ARHGEF25: variants seen among roughly 807,000 people sequenced by gnomAD.
ARHGEF25 encodes Rho guanine nucleotide exchange factor 25.
Under a neutral mutation model 74.0 loss-of-function variants are expected in ARHGEF25, and 42 were observed. That is an observed-to-expected ratio of 0.57 (90% CI 0.44 to 0.73). The LOEUF (loss-of-function observed/expected upper bound fraction) is 0.73, where lower values mean the gene tolerates loss of function less well. ARHGEF25 is among the 30% of genes least tolerant of loss of function. The probability of loss-of-function intolerance (pLI) is 0.00; values close to 1 mark genes in which losing one functional copy is unlikely to be tolerated. For missense variants in ARHGEF25, 645 were observed against 725.5 expected (o/e 0.89, Z 1.27); for synonymous variants, 293 against 278.6 (o/e 1.05, Z -0.51).
chr12:57,611,671 C>T lies in ARHGEF25; in HGVS notation c.-224C>T, dbSNP rs1486047795. 8.9e-7 allele frequency: 1 copy of T among 1,121,552 alleles called. No individual in the cohort carries two copies. 69.5% of individuals were successfully genotyped at this position (1,121,552 alleles called of 1,614,324 possible). Reference sequence around the variant, plus strand: ...AACCCTCCCCGCCCAGCCCGGCGGCCGGGCCCCGCGCCTCTCTCTCTCTAG... The same window carrying T: ...AACCCTCCCCGCCCAGCCCGGCGGCTGGGCCCCGCGCCTCTCTCTCTCTAG... On this transcript the variant is annotated 5_prime_UTR_variant, in exon 1 of 15. Coordinates refer to ENST00000286494, the MANE Select transcript of ARHGEF25 (RefSeq NM_182947.4). This position sits in a 1 kb window ranked among gnomAD's most constrained non-coding sequence, Gnocchi z 4.5.
rs987342721 is a variant in ARHGEF25, at chr12:57,614,253, G to A, written c.657-78G>A. 3 of 1,585,816 alleles carry A rather than the reference G, an allele frequency of 1.9e-6. No individual in the cohort carries two copies. The highest frequency in any genetic ancestry group is 2.6e-6 in the Non-Finnish European group (3 of 1,154,792). ...GTAGGGCACACTACCAGGGCAGACA[G>A]CTCGAAACTGCTGGGAGTGGGCGAG... On this transcript the variant is annotated intron_variant, in intron 6 of 14. Coordinates refer to ENST00000286494, the MANE Select transcript of ARHGEF25 (RefSeq NM_182947.4). The surrounding 1 kb of genome is among the most constrained non-coding windows in gnomAD (Gnocchi z 4.6).
At position 57,611,763 on chromosome 12, in the gene ARHGEF25, T is replaced by A; in HGVS notation, c.-132T>A. 3.6e-6 allele frequency: 4 copies of A among 1,107,108 alleles called. No individual in the cohort carries two copies. Among genetic ancestry groups the A allele is most frequent in the Admixed American group, 4.5e-5 (1 of 22,000 alleles). 68.6% of individuals were successfully genotyped at this position (1,107,108 alleles called of 1,614,324 possible). On this transcript the variant is annotated 5_prime_UTR_variant, in exon 1 of 15. Coordinates refer to ENST00000286494, the MANE Select transcript of ARHGEF25 (RefSeq NM_182947.4). This position sits in a 1 kb window ranked among gnomAD's most constrained non-coding sequence, Gnocchi z 4.5. The stretch of plus-strand genomic sequence containing the variant: ...GGACACCTCCTCCCGGTCCCCTCCC[T>A]CCCCCCCTCCCACAGCCTGGACCGG...
Position 57,614,279 on chromosome 12 carries a change from G to T in ARHGEF25, c.657-52G>T. On this transcript the variant is annotated intron_variant, in intron 6 of 14. Transcript: ENST00000286494. This position sits in a 1 kb window ranked among gnomAD's most constrained non-coding sequence, Gnocchi z 4.6. ...CTCGAAACTGCTGGGAGTGGGCGAG[G>T]TGGGGGTTGTGAAATGTATTTGACC... 1 of 1,606,192 alleles carries T rather than the reference G, an allele frequency of 6.2e-7. No homozygotes were observed. The highest frequency in any genetic ancestry group is 8.5e-7 in the Non-Finnish European group (1 of 1,172,898).
At position 57,611,483 on chromosome 12, in the gene ARHGEF25, G is replaced by A. The variant is rs1041349071; in HGVS notation, c.-412G>A. On this transcript the variant is annotated 5_prime_UTR_variant, in exon 1 of 15. Coordinates refer to ENST00000286494, the MANE Select transcript of ARHGEF25 (RefSeq NM_182947.4). The surrounding 1 kb of genome is among the most constrained non-coding windows in gnomAD (Gnocchi z 4.5). ...ACCCGCACAGCGCCAGTGGCTCGGG[G>A]GTCGGCCCTCGCCTCCTCCCCGGCC... 19 of 985,702 alleles carry A rather than the reference G, an allele frequency of 1.9e-5. No homozygotes were observed. The highest frequency in any genetic ancestry group is 2.3e-5 in the Non-Finnish European group (19 of 830,258). 61.1% of individuals were successfully genotyped at this position (985,702 alleles called of 1,614,324 possible).
At position 57,614,962 on chromosome 12, in the gene ARHGEF25, C is replaced by T. The variant is rs1388138986; in HGVS notation, c.910-5C>T. ...CTCCCTGAGCATTTCTTCTCTCTGT[C>T]TTAGGATTTTCTCAAGTATTACAAT... On this transcript the variant is annotated splice_region_variant and splice_polypyrimidine_tract_variant and intron_variant, in intron 9 of 14. Coordinates refer to ENST00000286494, the MANE Select transcript of ARHGEF25 (RefSeq NM_182947.4). The surrounding 1 kb of genome is among the most constrained non-coding windows in gnomAD (Gnocchi z 4.6). The T allele has an allele frequency of 6.2e-7, 1 of 1,613,910 alleles. No homozygotes were observed. Among genetic ancestry groups the T allele is most frequent in the African/African-American group, 1.3e-5 (1 of 74,906 alleles).
In ARHGEF25 at chr12:57,615,292, T is replaced by TG; in HGVS notation, c.1020dup (p.Arg341GlufsTer6). On this transcript the variant is annotated frameshift_variant, in exon 11 of 15. Transcript: ENST00000286494. LOFTEE classifies it high-confidence loss of function. ...AAGCGCTGCAACGATATGATGACGC[T>TG]GGGGAGATTGCGGGGATTTGAGGTA... 1 of 1,609,284 alleles carries TG rather than the reference T, an allele frequency of 6.2e-7. No homozygotes were observed. Among genetic ancestry groups the TG allele is most frequent in the Non-Finnish European group, 8.5e-7 (1 of 1,177,844 alleles).
chr12:57,613,658 C>G (rs777409801), intron 4 of ARHGEF25, 36 bp from the exon 5 acceptor site: 4 of 1,612,764 alleles, frequency 2.5e-6, no homozygotes, highest in African/African-American at 2.7e-5. Flanking sequence ...TGAGCTCCGA[C>G]GCTGAAGTGG....
Position 57,614,786 on chromosome 12 carries a change from G to T in ARHGEF25, c.909+5G>T. The T allele has an allele frequency of 6.2e-7, 1 of 1,605,376 alleles. No homozygotes were observed. On this transcript the variant is annotated splice_donor_5th_base_variant and intron_variant, in intron 9 of 14. Coordinates refer to ENST00000286494, the MANE Select transcript of ARHGEF25 (RefSeq NM_182947.4). This position sits in a 1 kb window ranked among gnomAD's most constrained non-coding sequence, Gnocchi z 4.6. ...AAATACCAGCTGCTGCTCAAGGTCA[G>T]GACCCCCTTTTTCCTGGGGGCACAG...
At position 57,615,203 on chromosome 12, in the gene ARHGEF25, G is replaced by A. The variant is rs368669698; in HGVS notation, c.961-34G>A. On this transcript the variant is annotated intron_variant, in intron 10 of 14. Coordinates refer to ENST00000286494, the MANE Select transcript of ARHGEF25 (RefSeq NM_182947.4). ...CTCTTTCCCAATAATGACTCTCTTC[G>A]CCCAACAATGCGCCTCCCTCACCTG... 199 of 1,574,240 alleles carry A rather than the reference G, an allele frequency of 1.3e-4. 2 individuals are homozygous for A. In the African/African-American group the frequency reaches 1.6e-3, roughly 13 times the overall value.
At chr12:57,616,545 C>T (rs1036069943) in intron 14 of ARHGEF25, 50 bp downstream of exon 14, 2 of 1,560,764 alleles carry the variant, frequency 1.3e-6, no homozygotes, top group East Asian at 2.2e-5. Context: ...GGGAGAGCCT[C>T]TCTTGTTCTG....
chr12:57,613,151 AGGGAACGGCACCAAAGCATGT>A lies in ARHGEF25; in HGVS notation c.312+12_312+32del. The A allele has an allele frequency of 6.2e-7, 1 of 1,611,616 alleles. No homozygotes were observed. Among genetic ancestry groups the A allele is most frequent in the Non-Finnish European group, 8.5e-7 (1 of 1,178,128 alleles). On this transcript the variant is annotated splice_region_variant and intron_variant, in intron 2 of 14. Transcript: ENST00000286494. ...TCAGGCAGGACCATATGAGGTGAGC[AGGGAACGGCACCAAAGCATGT>A]GGGACATCTATGAAGGACACTGGCA...
At position 57,612,687 on chromosome 12, in the gene ARHGEF25, A is replaced by G. The variant is rs543836346; in HGVS notation, c.98-243A>G. On this transcript the variant is annotated intron_variant, in intron 1 of 14. Transcript: ENST00000286494. ...CTATGCTATGCTCAGGATATGGGGA[A>G]CCTCCACATGTAACTGGGGGTTCCA... 39 of 1,381,162 alleles carry G rather than the reference A, an allele frequency of 2.8e-5. No homozygotes were observed. The African/African-American group carries it at 5.5e-4, about 19-fold the overall frequency. 85.6% of individuals were successfully genotyped at this position (1,381,162 alleles called of 1,614,324 possible).
Position 57,616,506 on chromosome 12 carries a change from T to C in ARHGEF25, c.1632+11T>C. 1 of 1,611,710 alleles carries C rather than the reference T, an allele frequency of 6.2e-7. No homozygotes were observed. The highest frequency in any genetic ancestry group is 8.5e-7 in the Non-Finnish European group (1 of 1,178,772). On this transcript the variant is annotated intron_variant, in intron 14 of 14. Transcript: ENST00000286494. ...CCACTGGATAAACAGGTATGACGAA[T>C]AGAGCTCCCTCATTGTAGGGATAAA...
At chr12:57,615,786 G>A in intron 12 of ARHGEF25, 51 bp from the exon 13 acceptor site, 5 of 1,612,190 alleles carry the variant, frequency 3.1e-6, no homozygotes, top group Non-Finnish European at 4.2e-6. Context: ...TCTCAGAGGA[G>A]CCAGGGAGGG....
Position 57,614,400 on chromosome 12 carries a change from C to G in ARHGEF25, c.726C>G (p.His242Gln). ...PDWLAQLFIKHERRLHMYVVY... is the reference protein window; with the variant it reads ...PDWLAQLFIKQERRLHMYVVY... ...GGCTGGCTCAGCTATTCATCAAACA[C>G]GTGAGGCTTGAGGGGGCAGGGCCTG... is the stretch of plus-strand genomic sequence containing the variant. Residue 242 changes from histidine to glutamine, a missense_variant and splice_region_variant, in exon 7 of 15, where the codon CAC (histidine) becomes CAG (glutamine). This residue lies in a region of ARHGEF25 where 194 missense variants were observed against 269.4 expected (regional missense o/e 0.72). Coordinates refer to ENST00000286494, the MANE Select transcript of ARHGEF25 (RefSeq NM_182947.4). The surrounding 1 kb of genome is among the most constrained non-coding windows in gnomAD (Gnocchi z 4.6). The G allele has an allele frequency of 1.2e-6, 2 of 1,614,084 alleles. No homozygotes were observed. Among genetic ancestry groups the G allele is most frequent in the African/African-American group, 1.3e-5 (1 of 75,016 alleles).
chr12:57,611,397 AGGCCCCGCCTCGTGGCGGCCCCGC>A (rs1266730039), upstream of ARHGEF25: 4 of 977,000 alleles, frequency 4.1e-6, no homozygotes, highest in Admixed American at 6.2e-5. This position sits in a 1 kb window ranked among gnomAD's most constrained non-coding sequence, Gnocchi z 4.5. Context: ...TGGGCCGCAG[AGGCCCCGCCTCGTGGCGGCCCCGC>A]GGCCAGGCCT....
intron 1 of ARHGEF25, 171 bp downstream of exon 1, chr12:57,612,162 T>C: frequency 4.6e-6 from 2 of 432,788 alleles, no homozygotes; most frequent in East Asian, 3.9e-5. Context: ...TTTCTGTTAG[T>C]TCAAGTTAAG....
chr12:57,616,846 C>A lies in ARHGEF25; in HGVS notation c.1695C>A (p.Thr565=). The A allele has an allele frequency of 1.9e-6, 3 of 1,614,106 alleles. No homozygotes were observed. The highest frequency in any genetic ancestry group is 2.5e-6 in the Non-Finnish European group (3 of 1,179,988). The stretch of plus-strand genomic sequence containing the variant: ...CTCCAGTCTCTCCAACTCCAAAAAC[C>A]CCTCCCTGCCAAGCCAGACTTGCCA... ...DSPPVSPTPK[T]PPCQARLAKL... is the part of the protein sequence containing the mutation. The change falls in exon 15 of 15, where the codon ACC becomes ACA. Residue 565 remains threonine, a synonymous_variant. Coordinates refer to ENST00000286494, the MANE Select transcript of ARHGEF25 (RefSeq NM_182947.4).
At chr12:57,612,027 G>T in intron 1 of ARHGEF25, 36 bp downstream of exon 1, 1 of 1,281,160 alleles carries the variant, frequency 7.8e-7, no homozygotes, top group East Asian at 2.8e-5. Flanking sequence ...GTGTTGAGTG[G>T]GGGGCGGGCT....
Sources: gnomAD v4.1 joint callset for allele counts on GRCh38, gnomAD v4.1.1 for gene constraint, gnomAD v4.1.1 regional missense constraint, Gnocchi (gnomAD v3.1) non-coding constraint, MANE v1.5 for transcripts, NCBI Gene and HGNC (gene_info 2026-07-23, HGNC 2026-07-21) for gene names.